Variants in KLF12 observed in about 807,000 individuals in gnomAD.
KLF12 encodes Krueppel-like factor 12.
KLF12 carries 9 observed loss-of-function variants against 37.8 expected under a neutral mutation model. That is an observed-to-expected ratio of 0.24 (90% confidence interval 0.14 to 0.42). The LOEUF is 0.42. KLF12 is among the 10% of genes least tolerant of loss of function. The pLI, the probability that KLF12 is intolerant of heterozygous loss-of-function variation, is 1.00. For synonymous variants in KLF12, 208 were observed against 202.1 expected (o/e 1.03, Z -0.25); for missense variants, 411 against 516.0 (o/e 0.80, Z 1.97).
At chr13:73,926,049 T>C (rs1021871868) in intron 3 of KLF12, among the ~76,000 whole-genome samples, 4 of 151,298 alleles carry the variant, frequency 2.6e-5, no homozygotes, top group Non-Finnish European at 5.9e-5. Context: ...GCTGTCGACA[T>C]TGTTGAAACA....
At chr13:73,743,109 C>T (rs1878119642) in intron 6 of KLF12, among the ~76,000 whole-genome samples, 1 of 152,128 alleles carries the variant, frequency 6.6e-6, no homozygotes, top group African/African-American at 2.4e-5. Flanking sequence ...AGTTCCTCCA[C>T]TTAAAGCAAG....
intron 1 of KLF12, among the ~76,000 whole-genome samples, chr13:74,080,236 A>T (rs1874799741): frequency 6.6e-6 from 1 of 152,152 alleles, no homozygotes. Flanking sequence ...TAGGAGTTCA[A>T]GACCAGCCTG....
chr13:74,125,403 C>T (rs920730585), intron 1 of KLF12, among the ~76,000 whole-genome samples: 1 of 152,050 alleles, frequency 6.6e-6, no homozygotes, highest in Non-Finnish European at 1.5e-5. Context: ...CTTACCCCAC[C>T]CTCCTTGATT....
chr13:74,135,673 C>CGG (rs1593930399), upstream of KLF12, among the ~76,000 whole-genome samples: 3 of 152,010 alleles, frequency 2.0e-5, no homozygotes, highest in East Asian at 5.9e-4. Flanking sequence ...GCGCGGCGCT[C>CGG]CGGGCACGAC....
intron 5 of KLF12, among the ~76,000 whole-genome samples, chr13:73,787,364 T>C (rs772672867): frequency 1.3e-5 from 2 of 152,172 alleles, no homozygotes; most frequent in African/African-American, 4.8e-5. Context: ...GAGAGGCAAA[T>C]TTGTACTCAA....
intron 2 of KLF12, among the ~76,000 whole-genome samples, chr13:73,948,722 T>C (rs1890535142): frequency 6.6e-6 from 1 of 152,160 alleles, no homozygotes; most frequent in Non-Finnish European, 1.5e-5. Flanking sequence ...TTTTTTCAAG[T>C]CCTATTGCAG....
the KLF12 span, among the ~76,000 whole-genome samples, chr13:74,292,938 T>C: frequency 6.6e-6 from 1 of 152,230 alleles, no homozygotes; most frequent in Non-Finnish European, 1.5e-5. Flanking sequence ...TGCTTGGACA[T>C]AGCAGATTCC....
chr13:74,172,176 A>C, the KLF12 span, among the ~76,000 whole-genome samples: 15 of 36,808 alleles, frequency 4.1e-4, no homozygotes, highest in Non-Finnish European at 1.2e-3. Flanking sequence ...CACACACTCT[A>C]CTGACATGTG....
At chr13:73,774,279 T>C (rs1221251606) in intron 5 of KLF12, among the ~76,000 whole-genome samples, 19 of 121,404 alleles carry the variant, frequency 1.6e-4, no homozygotes, top group Admixed American at 1.4e-3. Context: ...AAACTATATA[T>C]ATATACACAC....
At chr13:74,280,433 C>A in the KLF12 span, among the ~76,000 whole-genome samples, 1 of 152,150 alleles carries the variant, frequency 6.6e-6, no homozygotes, top group Non-Finnish European at 1.5e-5. Flanking sequence ...GTGAGCTTGC[C>A]TTATTATCTG....
At chr13:74,028,046 T>C (rs1041935709) in intron 1 of KLF12, among the ~76,000 whole-genome samples, 1 of 152,310 alleles carries the variant, frequency 6.6e-6, no homozygotes. Context: ...ATTATATCCA[T>C]TGCTAGAAAG....
intron 1 of KLF12, among the ~76,000 whole-genome samples, chr13:74,078,165 C>CA (rs1175588380): frequency 1.3e-5 from 2 of 152,174 alleles, no homozygotes; most frequent in African/African-American, 4.8e-5. Flanking sequence ...CCTACAAGAG[C>CA]AGATTTACAC....
intron 1 of KLF12, among the ~76,000 whole-genome samples, chr13:74,091,802 T>C (rs948277146): frequency 2.0e-5 from 3 of 152,130 alleles, no homozygotes; most frequent in African/African-American, 7.2e-5. Context: ...TGAATCCTAA[T>C]GTACACTATT....
At chr13:73,964,606 T>TAAAAA (rs71115627) in intron 2 of KLF12, among the ~76,000 whole-genome samples, 6 of 137,380 alleles carry the variant, frequency 4.4e-5, no homozygotes, top group South Asian at 2.4e-4. Flanking sequence ...CGTCTCTACT[T>TAAAAA]AAAAAAAAAA....
At position 73,850,993 on chromosome 13, in the gene KLF12, G is replaced by A. The variant is rs529003730; in HGVS notation, c.124-4620C>T. Among the ~76,000 whole-genome samples the A allele has an allele frequency of 5.9e-5, 9 of 152,260 alleles. No individual in the cohort carries two copies. In the South Asian group the frequency reaches 1.9e-3, roughly 32 times the overall value. ...CTTAGATTCATCACCAATCCTTGTTGTTTATTAGCTGTGCGATCTTGGTAT... is the reference window on the plus strand; with the variant it reads ...CTTAGATTCATCACCAATCCTTGTTATTTATTAGCTGTGCGATCTTGGTAT... On this transcript the variant is annotated intron_variant, in intron 3 of 7. Transcript: ENST00000377669.
At chr13:73,793,509 T>C (rs1445253042) in intron 5 of KLF12, among the ~76,000 whole-genome samples, 1 of 152,254 alleles carries the variant, frequency 6.6e-6, no homozygotes, top group East Asian at 1.9e-4. Flanking sequence ...GAGTTTATAG[T>C]TGACAAAGTC....
chr13:73,700,425 G>T (rs536282457), intron 7 of KLF12, among the ~76,000 whole-genome samples: 5 of 151,818 alleles, frequency 3.3e-5, no homozygotes, highest in Non-Finnish European at 4.4e-5. Flanking sequence ...TCAGAAAACA[G>T]TAATTTAATT....
At chr13:73,803,772 TCACACACACACA>T (rs4053528) in intron 5 of KLF12, among the ~76,000 whole-genome samples, 2,077 of 142,018 alleles carry the variant, frequency 0.015, 48 homozygotes, top group African/African-American at 0.044. Flanking sequence ...TACTGCAGAG[TCACACACACACA>T]CACACACACA....
chr13:74,182,630 A>C, the KLF12 span, among the ~76,000 whole-genome samples: 1 of 152,240 alleles, frequency 6.6e-6, no homozygotes, highest in Non-Finnish European at 1.5e-5. Flanking sequence ...CACAGTGTGC[A>C]GAAGAAAGAA....
Sources: allele counts gnomAD v4.1 joint callset (sites outside exome capture counted in the v4.1 genomes callset), GRCh38; gene constraint gnomAD v4.1.1; transcripts MANE v1.5; gene names NCBI Gene and HGNC (gene_info 2026-07-23, HGNC 2026-07-21).